The following ENTHD1 variants were observed in gnomAD, a reference collection of about 807,000 sequenced individuals.
The protein encoded by ENTHD1 is ENTH domain containing 1.
A neutral mutation model predicts 39.1 loss-of-function variants in ENTHD1; 23 were observed. That is an observed-to-expected ratio of 0.59 (90% CI 0.42 to 0.83). ENTHD1 has a LOEUF of 0.83. Among genes scored for constraint, ENTHD1 ranks in the 40% least tolerant of loss-of-function variants. The probability of loss-of-function intolerance (pLI) is 0.00; values close to 1 mark genes in which losing one functional copy is unlikely to be tolerated. For synonymous variants in ENTHD1, 230 were observed against 258.2 expected (o/e 0.89, Z 1.05); for missense variants, 624 against 705.4 (o/e 0.88, Z 1.31).
intron 5 of ENTHD1, among the ~76,000 whole-genome samples, chr22:39,817,106 A>G (rs867531037): frequency 5.9e-5 from 9 of 152,206 alleles, no homozygotes; most frequent in South Asian, 2.1e-4. Flanking sequence ...TAAAAACATA[A>G]GGCTTGAAAA....
chr22:39,836,110 T>TTAAAGTGATTAA, intron 3 of ENTHD1, 152 bp from the exon 4 acceptor site: 2 of 480,144 alleles, frequency 4.2e-6, no homozygotes, highest in Non-Finnish European at 7.4e-6. Context: ...TGAGTGTTAA[T>TTAAAGTGATTAA]CACTTTAATA....
At chr22:39,789,277 A>G (rs2146598041) in intron 5 of ENTHD1, among the ~76,000 whole-genome samples, 1 of 152,254 alleles carries the variant, frequency 6.6e-6, no homozygotes, top group Middle Eastern at 3.4e-3. Flanking sequence ...TTAAATACAT[A>G]GGCCCTTTTC....
At chr22:39,792,127 C>T (rs2053092258) in intron 5 of ENTHD1, among the ~76,000 whole-genome samples, 1 of 152,116 alleles carries the variant, frequency 6.6e-6, no homozygotes, top group Non-Finnish European at 1.5e-5. Context: ...TTTCTTTATC[C>T]AGTCTACTGC....
intron 1 of ENTHD1, among the ~76,000 whole-genome samples, chr22:39,889,568 G>T (rs576442316): frequency 6.6e-5 from 10 of 152,182 alleles, no homozygotes; most frequent in African/African-American, 2.4e-4. Context: ...ACATACAAAA[G>T]AAAAAATGTT....
chr22:39,812,594 T>C (rs1334792447), intron 5 of ENTHD1, among the ~76,000 whole-genome samples: 5 of 152,194 alleles, frequency 3.3e-5, no homozygotes, highest in Admixed American at 3.3e-4. Context: ...GGTTCTTCAG[T>C]GGGCCATGTA....
At chr22:39,760,036 G>T (rs2065218916) in intron 6 of ENTHD1, among the ~76,000 whole-genome samples, 1 of 151,842 alleles carries the variant, frequency 6.6e-6, no homozygotes, top group Middle Eastern at 3.4e-3. Flanking sequence ...GATGCAGTAT[G>T]TGTTCTTTCT....
intron 3 of ENTHD1, among the ~76,000 whole-genome samples, chr22:39,858,626 GTTGAA>G (rs1301239827): frequency 6.6e-6 from 1 of 152,204 alleles, no homozygotes; most frequent in African/African-American, 2.4e-5. Flanking sequence ...AGACTTGAAA[GTTGAA>G]ATCACTCCTT....
intron 5 of ENTHD1, among the ~76,000 whole-genome samples, chr22:39,802,198 G>A (rs907206639): frequency 2.0e-5 from 3 of 152,148 alleles, no homozygotes; most frequent in Admixed American, 6.5e-5. Context: ...CAGCACTCCT[G>A]TAACAAAAAC....
At chr22:39,831,367 G>A (rs1023162311) in intron 4 of ENTHD1, among the ~76,000 whole-genome samples, 3 of 152,162 alleles carry the variant, frequency 2.0e-5, no homozygotes, top group Admixed American at 6.5e-5. Flanking sequence ...TGGGTGTCAG[G>A]AGGAGGCAAA....
chr22:39,761,455 C>G (rs1359370594), intron 6 of ENTHD1, among the ~76,000 whole-genome samples: 2 of 152,074 alleles, frequency 1.3e-5, no homozygotes, highest in Non-Finnish European at 2.9e-5. Context: ...CATTTTGGAT[C>G]TGAAAGTTTA....
intron 5 of ENTHD1, among the ~76,000 whole-genome samples, chr22:39,767,050 T>C (rs552149492): frequency 7.0e-4 from 106 of 152,282 alleles, no homozygotes; most frequent in African/African-American, 2.5e-3. Flanking sequence ...TCTTGTCCCC[T>C]ACCTGACAAA....
At chr22:39,892,108 G>T (rs575807828) in intron 1 of ENTHD1, among the ~76,000 whole-genome samples, 1 of 152,116 alleles carries the variant, frequency 6.6e-6, no homozygotes, top group East Asian at 1.9e-4. Flanking sequence ...CCTACCATTT[G>T]TATAGCTTTG....
intron 3 of ENTHD1, among the ~76,000 whole-genome samples, chr22:39,852,208 T>C (rs1167625027): frequency 6.7e-6 from 1 of 149,704 alleles, no homozygotes; most frequent in Non-Finnish European, 1.5e-5. Flanking sequence ...TTAGCCGGTG[T>C]GGTGGCGCAT....
At chr22:39,801,817 T>A (rs1369266875) in intron 5 of ENTHD1, among the ~76,000 whole-genome samples, 1 of 152,114 alleles carries the variant, frequency 6.6e-6, no homozygotes, top group African/African-American at 2.4e-5. Flanking sequence ...GTTTTTTTTT[T>A]AATAGTAATG....
intron 3 of ENTHD1, among the ~76,000 whole-genome samples, chr22:39,847,566 TA>T (rs58935186): frequency 6.6e-4 from 96 of 144,722 alleles, no homozygotes; most frequent in Admixed American, 9.7e-4. Context: ...TTAGCAAACT[TA>T]AAAAAAAAAA....
intron 2 of ENTHD1, chr22:39,876,173 T>C (rs1464475303): frequency 6.7e-7 from 1 of 1,493,906 alleles, no homozygotes; most frequent in South Asian, 1.4e-5. Context: ...AGGAGACTTA[T>C]TTGAGAGGAA....
intron 4 of ENTHD1, among the ~76,000 whole-genome samples, chr22:39,835,016 T>C (rs781723228): frequency 6.6e-6 from 1 of 152,132 alleles, no homozygotes; most frequent in Non-Finnish European, 1.5e-5. Context: ...GATGGAACAG[T>C]TCTATCTCTT....
chr22:39,834,797 G>T (rs549719959), intron 4 of ENTHD1, among the ~76,000 whole-genome samples: 1 of 152,150 alleles, frequency 6.6e-6, no homozygotes, highest in Non-Finnish European at 1.5e-5. Flanking sequence ...GCAACAAAAA[G>T]GGATGCATTA....
intron 5 of ENTHD1, among the ~76,000 whole-genome samples, chr22:39,815,447 A>C (rs1189561406): frequency 6.6e-6 from 1 of 152,054 alleles, no homozygotes; most frequent in Non-Finnish European, 1.5e-5. Flanking sequence ...CCGTCTCAAA[A>C]AAAAAAAAAC....
Sources: gnomAD v4.1 joint callset for allele counts (sites outside exome capture counted in the v4.1 genomes callset) on GRCh38, gnomAD v4.1.1 for gene constraint, MANE v1.5 for transcripts, NCBI Gene and HGNC (gene_info 2026-07-23, HGNC 2026-07-21) for gene names.